The following AGBL4 variants were observed in gnomAD, a reference collection of about 807,000 sequenced individuals.
The protein encoded by AGBL4 is AGBL carboxypeptidase 4.
Under a neutral mutation model 66.4 loss-of-function variants are expected in AGBL4, and 58 were observed. The observed-to-expected ratio is 0.87, with a 90% CI of 0.71 to 1.09. AGBL4 has a LOEUF of 1.09. Among genes scored for constraint, AGBL4 ranks in the 50% least tolerant of loss-of-function variants. AGBL4 has a pLI of 0.00. For synonymous variants in AGBL4, 234 were observed against 222.9 expected, an observed-to-expected ratio of 1.05 and a Z score of -0.44; for missense variants, 579 against 631.0, an observed-to-expected ratio of 0.92 and a Z score of 0.88.
At chr1:48,720,294 C>T (rs1266908875) in intron 6 of AGBL4, among the ~76,000 whole-genome samples, 2 of 152,148 alleles carry the variant, frequency 1.3e-5, no homozygotes, top group African/African-American at 4.8e-5. Context: ...AGGGTTCCAA[C>T]CCAGGCTGGA....
At chr1:49,735,907 A>G (rs952591009) in intron 2 of AGBL4, among the ~76,000 whole-genome samples, 1 of 152,126 alleles carries the variant, frequency 6.6e-6, no homozygotes, top group African/African-American at 2.4e-5. Flanking sequence ...AAAAACAAAA[A>G]TCACTGGAAA....
At chr1:49,475,153 T>G (rs1485004195) in intron 3 of AGBL4, among the ~76,000 whole-genome samples, 1 of 152,056 alleles carries the variant, frequency 6.6e-6, no homozygotes, top group Non-Finnish European at 1.5e-5. Context: ...TGCAAGCATG[T>G]TGGATGTTAT....
Position 49,947,851 on chromosome 1 carries a change from G to T in AGBL4, c.34+75912C>A, listed in dbSNP as rs117885695. 5.5e-5 allele frequency among the ~76,000 whole-genome samples: 8 copies of T among 144,540 alleles called. No individual in the cohort carries two copies. In the East Asian group the frequency reaches 1.6e-3, roughly 29 times the overall value. The allele number at this position is 144,540 out of a possible 152,430, so 94.8% of individuals were successfully genotyped here. ...ATAAAAGACTTCTTAAAAGTTTCTG[G>T]ATACAACATCAATGTACACAAATCA... On this transcript the variant is annotated intron_variant, in intron 1 of 13. Transcript: ENST00000371839.
chr1:49,045,562 C>A, intron 5 of AGBL4, 22 bp downstream of exon 5: 4 of 1,597,166 alleles, frequency 2.5e-6, no homozygotes, highest in East Asian at 2.3e-5. Context: ...AATGAGTAAC[C>A]CAAACCTGGC....
intron 3 of AGBL4, among the ~76,000 whole-genome samples, chr1:49,547,964 G>GTTTCACCAAC (rs1280134653): frequency 6.6e-6 from 1 of 151,992 alleles, no homozygotes; most frequent in East Asian, 1.9e-4. Context: ...AGTAGAGACG[G>GTTTCACCAAC]GGTTTCACCA....
intron 4 of AGBL4, among the ~76,000 whole-genome samples, chr1:49,198,112 T>A (rs1647378294): frequency 6.6e-6 from 1 of 152,026 alleles, no homozygotes; most frequent in African/African-American, 2.4e-5. Flanking sequence ...TGCTCTCCTG[T>A]GGCCTGGATT....
In AGBL4 at chr1:48,590,894, C is replaced by T. The variant is rs899125154; in HGVS notation, c.1043G>A (p.Arg348Gln). The T allele has an allele frequency of 1.1e-5, 18 of 1,608,262 alleles. No homozygotes were observed. The African/African-American group carries it at 1.2e-4, about 11-fold the overall frequency. Residue 348 changes from arginine (R) to glutamine (Q), a missense_variant, in exon 10 of 14, where the codon CGG becomes CAG. Arg to Gln is a conservative substitution (Grantham distance 43). Coordinates refer to ENST00000371839, the MANE Select transcript of AGBL4 (RefSeq NM_032785.4). ...MYGNIFEDEERFQRQAIFPKL... is the reference protein window; with the variant it reads ...MYGNIFEDEEQFQRQAIFPKL... ...GGGAAAAATGGCCTGCCTCTGGAAC[C>T]GTTCCTCATCCTCAAAGATGTTGCC...
rs531611267 is a variant in AGBL4, at chr1:49,526,102, C to CA, written c.282+171210dup. On this transcript the variant is annotated intron_variant, in intron 3 of 13. Transcript: ENST00000371839. Reference sequence around the variant, plus strand: ...GAGTGAGACTCTGTCTCAAAAAAAACAAAAAAACAAAAAAAAACCATTAGG... The same window carrying CA: ...GAGTGAGACTCTGTCTCAAAAAAAACAAAAAAAACAAAAAAAAACCATTAGG... Among the ~76,000 whole-genome samples, 4 of 150,600 alleles carry CA rather than the reference C, an allele frequency of 2.7e-5. No homozygotes were observed. The East Asian group carries it at 7.8e-4, about 29-fold the overall frequency.
intron 4 of AGBL4, among the ~76,000 whole-genome samples, chr1:49,084,900 CT>C (rs1644877265): frequency 1.3e-5 from 2 of 152,076 alleles, no homozygotes; most frequent in African/African-American, 2.4e-5. Flanking sequence ...TCATGTTGTC[CT>C]TTTTGACTCC....
intron 6 of AGBL4, among the ~76,000 whole-genome samples, chr1:48,709,824 G>A (rs915741265): frequency 6.6e-5 from 10 of 152,064 alleles, no homozygotes; most frequent in South Asian, 4.2e-4. Context: ...GGATGGTCTC[G>A]ATCTCCTGAC....
intron 4 of AGBL4, among the ~76,000 whole-genome samples, chr1:49,083,083 C>G (rs1350653514): frequency 6.6e-6 from 1 of 152,214 alleles, no homozygotes; most frequent in Non-Finnish European, 1.5e-5. Context: ...AGCTCTGCCC[C>G]TGTGGCTTTG....
chr1:49,773,406 G>A (rs1230202586), intron 2 of AGBL4, among the ~76,000 whole-genome samples: 1 of 152,180 alleles, frequency 6.6e-6, no homozygotes, highest in Non-Finnish European at 1.5e-5. Context: ...GAGTGGAAGT[G>A]TTGCTTTTTT....
chr1:48,603,361 T>C (rs1294764866), intron 9 of AGBL4, among the ~76,000 whole-genome samples: 2 of 152,114 alleles, frequency 1.3e-5, no homozygotes, highest in African/African-American at 4.8e-5. Context: ...TCCCAGCTAC[T>C]GGGAAGGCTG....
chr1:49,560,434 A>C (rs1280894224), intron 3 of AGBL4, among the ~76,000 whole-genome samples: 1 of 152,134 alleles, frequency 6.6e-6, no homozygotes, highest in Non-Finnish European at 1.5e-5. Flanking sequence ...AGAGTATTAA[A>C]AAAAGACAAA....
intron 6 of AGBL4, among the ~76,000 whole-genome samples, chr1:48,719,115 G>T (rs1022272400): frequency 1.3e-5 from 2 of 152,098 alleles, no homozygotes; most frequent in Non-Finnish European, 2.9e-5. Context: ...GTATTAAGGA[G>T]GTGGCTCAGG....
chr1:49,961,693 A>G (rs1023130742), intron 1 of AGBL4, among the ~76,000 whole-genome samples: 1 of 152,148 alleles, frequency 6.6e-6, no homozygotes, highest in Non-Finnish European at 1.5e-5. Context: ...ATGCATTTTA[A>G]TTAGATTCCA....
At chr1:48,552,899 A>G (rs1352318140) in intron 11 of AGBL4, among the ~76,000 whole-genome samples, 1 of 151,752 alleles carries the variant, frequency 6.6e-6, no homozygotes, top group Non-Finnish European at 1.5e-5. Flanking sequence ...ACGGTTATCT[A>G]ATCACCCTCC....
chr1:48,980,654 G>T (rs768105384), intron 5 of AGBL4, among the ~76,000 whole-genome samples: 12 of 148,242 alleles, frequency 8.1e-5, no homozygotes, highest in Non-Finnish European at 1.5e-4. Flanking sequence ...GGACAGCACA[G>T]ACAGGTCTTA....
intron 3 of AGBL4, among the ~76,000 whole-genome samples, chr1:49,696,039 C>G (rs1646976716): frequency 6.6e-6 from 1 of 152,042 alleles, no homozygotes; most frequent in Admixed American, 6.6e-5. Context: ...TAGATTGACT[C>G]AGGAGAAGCT....
Sources: gnomAD v4.1 joint callset for allele counts (sites outside exome capture counted in the v4.1 genomes callset) on GRCh38, gnomAD v4.1.1 for gene constraint, MANE v1.5 for transcripts, NCBI Gene and HGNC (gene_info 2026-07-23, HGNC 2026-07-21) for gene names.